CSGALNACT1: variants seen among roughly 807,000 people sequenced by gnomAD.
CSGALNACT1 encodes the protein chondroitin sulfate N-acetylgalactosaminyltransferase 1.
In CSGALNACT1, 52 loss-of-function variants were observed where a neutral mutation model predicts 51.0. The ratio of observed to expected loss-of-function variants is 1.02; its 90% CI spans 0.82 to 1.29. The LOEUF is 1.29. Among genes scored for constraint, CSGALNACT1 ranks in the 50% most tolerant of loss-of-function variants. The probability of loss-of-function intolerance (pLI) is 0.00; values close to 1 mark genes in which losing one functional copy is unlikely to be tolerated. For synonymous variants in CSGALNACT1, 341 were observed against 254.4 expected, an observed-to-expected ratio of 1.34 and a Z score of -3.24; for missense variants, 935 against 679.2, an observed-to-expected ratio of 1.38 and a Z score of -4.19.
chr8:19,421,659 C>T (rs1005692160), intron 6 of CSGALNACT1, among the ~76,000 whole-genome samples: 3 of 152,172 alleles, frequency 2.0e-5, no homozygotes, highest in Non-Finnish European at 4.4e-5. Flanking sequence ...TCCAAGTACC[C>T]GTCTCGGGTA....
At chr8:19,750,488 T>C (rs2154253343) in intron 1 of CSGALNACT1, among the ~76,000 whole-genome samples, 1 of 152,328 alleles carries the variant, frequency 6.6e-6, no homozygotes, top group East Asian at 1.9e-4. Context: ...CGGACACTGC[T>C]ATTGGTTGGT....
At chr8:19,631,437 C>G (rs1228718023) in intron 1 of CSGALNACT1, among the ~76,000 whole-genome samples, 1 of 152,138 alleles carries the variant, frequency 6.6e-6, no homozygotes, top group Admixed American at 6.5e-5. Flanking sequence ...CATTTTAACC[C>G]AAATGTATCT....
At chr8:19,423,319 T>C (rs1376533006) in intron 6 of CSGALNACT1, among the ~76,000 whole-genome samples, 5 of 152,214 alleles carry the variant, frequency 3.3e-5, no homozygotes, top group African/African-American at 4.8e-5. Context: ...TACAAGACAG[T>C]GTTAGAAACT....
At chr8:19,692,967 G>A (rs930608885) in intron 1 of CSGALNACT1, among the ~76,000 whole-genome samples, 2 of 152,270 alleles carry the variant, frequency 1.3e-5, no homozygotes, top group Middle Eastern at 3.4e-3. Context: ...CAACATTCTC[G>A]CAGGCTTGCT....
intron 5 of CSGALNACT1, among the ~76,000 whole-genome samples, chr8:19,440,823 T>C (rs955608998): frequency 5.1e-4 from 78 of 152,176 alleles, no homozygotes; most frequent in African/African-American, 1.7e-3. Context: ...AAAACCCCAT[T>C]GTCTCAGCCC....
intron 1 of CSGALNACT1, among the ~76,000 whole-genome samples, chr8:19,649,338 T>C (rs1261835543): frequency 6.6e-6 from 1 of 152,122 alleles, no homozygotes; most frequent in Non-Finnish European, 1.5e-5. Flanking sequence ...AGGGACTGCT[T>C]GGCTAAAAGA....
intron 8 of CSGALNACT1, among the ~76,000 whole-genome samples, chr8:19,411,050 T>C (rs2073240836): frequency 6.6e-6 from 1 of 152,200 alleles, no homozygotes; most frequent in Non-Finnish European, 1.5e-5. Flanking sequence ...TTCTGCCCTA[T>C]ATAAGGCCCA....
upstream of CSGALNACT1, among the ~76,000 whole-genome samples, chr8:19,684,317 G>A (rs957303737): frequency 6.6e-6 from 1 of 152,086 alleles, no homozygotes; most frequent in African/African-American, 2.4e-5. Flanking sequence ...AATGGGAAAA[G>A]GTACGTTCAT....
At chr8:19,416,246 T>C (rs938640379) in intron 8 of CSGALNACT1, among the ~76,000 whole-genome samples, 42 of 151,498 alleles carry the variant, frequency 2.8e-4, no homozygotes, top group Admixed American at 2.0e-3. Flanking sequence ...TGTGGAGTAG[T>C]TGGGATTACA....
At chr8:19,505,129 G>A in intron 4 of CSGALNACT1, 72 bp downstream of exon 3, 1 of 1,583,160 alleles carries the variant, frequency 6.3e-7, no homozygotes, top group South Asian at 1.1e-5. Context: ...TCCTGGAGCT[G>A]GAACCTGCCT....
chr8:19,734,023 C>T (rs573395780), intron 1 of CSGALNACT1, among the ~76,000 whole-genome samples: 1 of 152,146 alleles, frequency 6.6e-6, no homozygotes, highest in Non-Finnish European at 1.5e-5. Flanking sequence ...TGTTCACCCC[C>T]CAACAATGAA....
Position 19,567,756 on chromosome 8 carries a change from A to T in CSGALNACT1, c.-297+23404T>A, listed in dbSNP as rs1035798153. On this transcript the variant is annotated intron_variant, in intron 3 of 9. Coordinates refer to ENST00000454498, the Ensembl canonical transcript of CSGALNACT1. ...TAGGAAAAATCCAAAATCCAAATGA[A>T]AACACATATAAAATATCAGAATTAA... 2.0e-5 allele frequency among the ~76,000 whole-genome samples: 3 copies of T among 152,196 alleles called. No homozygotes were observed. In the South Asian group the frequency reaches 6.2e-4, roughly 31 times the overall value.
At chr8:19,419,812 AAGG>A (rs1230750680) in intron 7 of CSGALNACT1, among the ~76,000 whole-genome samples, 8 of 152,168 alleles carry the variant, frequency 5.3e-5, no homozygotes, top group African/African-American at 9.7e-5. Flanking sequence ...TGTGGCCTCA[AAGG>A]AGAAGTCAAA....
At chr8:19,416,876 T>C (rs144925344) in intron 8 of CSGALNACT1, among the ~76,000 whole-genome samples, 1,560 of 151,986 alleles carry the variant, frequency 0.01, 27 homozygotes, top group African/African-American at 0.035. Context: ...TTTTTTTTTT[T>C]CTTTGAGACA....
rs34859554 is a variant in CSGALNACT1 at position 19,590,640 on chromosome 8, C to CTTTTTTTTTTTTTTTTTTTTT, written c.-297+499_-297+519dup. 7.2e-5 allele frequency among the ~76,000 whole-genome samples: 5 copies of CTTTTTTTTTTTTTTTTTTTTT among 68,982 alleles called. 1 individual carries two copies. Among genetic ancestry groups the CTTTTTTTTTTTTTTTTTTTTT allele is most frequent in the African/African-American group, 2.7e-4 (5 of 18,186 alleles). The allele number at this position is 68,982 out of a possible 152,430, so 45.3% of individuals were successfully genotyped here. ...TACTCATAGCTGGTGGACCTAACTA[C>CTTTTTTTTTTTTTTTTTTTTT]TTTTTTTTTTTTTTTTTTTTTTTTT... On this transcript the variant is annotated intron_variant, in intron 3 of 9. Transcript: ENST00000454498.
chr8:19,463,722 T>G (rs976907914), intron 4 of CSGALNACT1, among the ~76,000 whole-genome samples: 3 of 152,184 alleles, frequency 2.0e-5, no homozygotes, highest in Non-Finnish European at 4.4e-5. Flanking sequence ...TTAAACACCC[T>G]ACCTGGCACC....
At chr8:19,683,364 C>T (rs1045338079), upstream of CSGALNACT1, 2 of 152,142 alleles carry the variant, frequency 1.3e-5, no homozygotes, top group Admixed American at 1.3e-4. Flanking sequence ...CATGAGAAAC[C>T]ACTCTAAAAA....
chr8:19,669,989 T>A (rs1422796114), intron 1 of CSGALNACT1, among the ~76,000 whole-genome samples: 1 of 152,142 alleles, frequency 6.6e-6, no homozygotes, highest in African/African-American at 2.4e-5. Context: ...TCTTTTATAT[T>A]TTATTATTTC....
chr8:19,561,012 T>C (rs762110565), intron 3 of CSGALNACT1, among the ~76,000 whole-genome samples: 24 of 152,268 alleles, frequency 1.6e-4, no homozygotes, highest in East Asian at 5.8e-4. Flanking sequence ...ACAAACCTAA[T>C]ATAGAACAAA....
Sources: gnomAD v4.1 joint callset for allele counts (sites outside exome capture counted in the v4.1 genomes callset) on GRCh38, gnomAD v4.1.1 for gene constraint, MANE v1.5 for transcripts, NCBI Gene and HGNC (gene_info 2026-07-23, HGNC 2026-07-21) for gene names.